MED13L: variants seen among roughly 807,000 people sequenced by gnomAD.
MED13L encodes the protein mediator complex subunit 13L.
MED13L carries 7 observed loss-of-function variants against 220.9 expected under a neutral mutation model. The ratio of observed to expected loss-of-function variants is 0.03; its 90% CI spans 0.02 to 0.06. The LOEUF is 0.06. Ranked by LOEUF, MED13L falls within the 10% of genes least tolerant of loss-of-function variation. MED13L has a pLI of 1.00. For missense variants in MED13L, 1,965 were observed against 2,760.5 expected (o/e 0.71, Z 6.46); for synonymous variants, 1,011 against 1,015.2 (o/e 1.00, Z 0.08).
At chr12:116,087,191 A>G (rs1379082019) in intron 4 of MED13L, among the ~76,000 whole-genome samples, 1 of 152,216 alleles carries the variant, frequency 6.6e-6, no homozygotes, top group East Asian at 1.9e-4. Flanking sequence ...CTACCATTAC[A>G]CAATAACCAG....
intron 1 of MED13L, among the ~76,000 whole-genome samples, chr12:116,272,359 C>T (rs1360972817): frequency 4.6e-5 from 7 of 151,900 alleles, no homozygotes; most frequent in African/African-American, 1.7e-4. Flanking sequence ...TCAGGAGTTC[C>T]AGAGCAGCCT....
intron 3 of MED13L, among the ~76,000 whole-genome samples, chr12:116,104,504 T>C (rs1434315359): frequency 1.3e-5 from 2 of 152,206 alleles, no homozygotes; most frequent in Non-Finnish European, 2.9e-5. Context: ...ACAGAGCAGC[T>C]CTGGGCCAAA....
intron 2 of MED13L, among the ~76,000 whole-genome samples, chr12:116,115,643 T>C (rs1183352402): frequency 2.0e-5 from 3 of 152,126 alleles, no homozygotes; most frequent in Non-Finnish European, 4.4e-5. Flanking sequence ...GTTACTTTTT[T>C]TTTTAATCTC....
intron 4 of MED13L, among the ~76,000 whole-genome samples, chr12:116,080,875 ATACT>A (rs1871194357): frequency 6.6e-6 from 1 of 152,186 alleles, no homozygotes; most frequent in African/African-American, 2.4e-5. Context: ...CAGTACATAA[ATACT>A]TATTATTTGT....
At chr12:116,030,677 G>C (rs1185840879) in intron 4 of MED13L, among the ~76,000 whole-genome samples, 1 of 152,116 alleles carries the variant, frequency 6.6e-6, no homozygotes, top group Non-Finnish European at 1.5e-5. Context: ...GTATGTGCAG[G>C]AAGGTAAGTG....
At chr12:116,019,489 T>A in intron 6 of MED13L, 77 bp from the exon 7 acceptor site, 1 of 1,515,338 alleles carries the variant, frequency 6.6e-7, no homozygotes, top group East Asian at 2.3e-5. Flanking sequence ...ATGATTCCAA[T>A]GGTGAAAATG....
At chr12:115,969,623 G>T (rs192518359) in intron 27 of MED13L, among the ~76,000 whole-genome samples, 1 of 151,304 alleles carries the variant, frequency 6.6e-6, no homozygotes, top group East Asian at 1.9e-4. Flanking sequence ...TGCCCAGGCT[G>T]GAGTGCAGTG....
chr12:115,996,119 C>G (rs1878386109), intron 16 of MED13L, among the ~76,000 whole-genome samples: 1 of 151,922 alleles, frequency 6.6e-6, no homozygotes, highest in Non-Finnish European at 1.5e-5. Flanking sequence ...GAGACAGAGT[C>G]TCACTCTGTC....
chr12:116,277,236 G>GGGC lies in MED13L; in HGVS notation c.-108_-106dup. On this transcript the variant is annotated 5_prime_UTR_variant, in exon 1 of 31. Transcript: ENST00000281928. The stretch of plus-strand genomic sequence containing the variant: ...CCTCGCCGGGGAGCGCGGGGCGGCC[G>GGGC]GGCCGCCGCCGCCGCCGGGGGAGGG... 4 of 448,228 alleles carry GGGC rather than the reference G, an allele frequency of 8.9e-6. No individual in the cohort carries two copies. The highest frequency in any genetic ancestry group is 1.0e-5 in the Non-Finnish European group (4 of 381,090). The allele number at this position is 448,228 out of a possible 1,614,324, so 27.8% of individuals were successfully genotyped here.
chr12:116,222,541 T>TG (rs1383444613), intron 2 of MED13L, among the ~76,000 whole-genome samples: 1 of 152,226 alleles, frequency 6.6e-6, no homozygotes, highest in Non-Finnish European at 1.5e-5. Context: ...AGATGGCTCC[T>TG]GGCCAGGAAA....
At chr12:116,159,558 T>C (rs1878703686) in intron 2 of MED13L, among the ~76,000 whole-genome samples, 1 of 152,232 alleles carries the variant, frequency 6.6e-6, no homozygotes, top group African/African-American at 2.4e-5. Flanking sequence ...ACAGTTCACA[T>C]TCCTATATAC....
chr12:116,233,595 T>C (rs561496054), intron 2 of MED13L, among the ~76,000 whole-genome samples: 2 of 152,234 alleles, frequency 1.3e-5, no homozygotes, highest in Admixed American at 6.5e-5. Context: ...TCGCAGCCTG[T>C]AGGTCTTTGC....
At chr12:115,985,984 C>A (rs1483397645) in intron 19 of MED13L, among the ~76,000 whole-genome samples, 1 of 152,158 alleles carries the variant, frequency 6.6e-6, no homozygotes, top group Admixed American at 6.5e-5. Context: ...CAATATTCTT[C>A]AACTTTTAGC....
chr12:116,163,352 T>C (rs535095333), intron 2 of MED13L, among the ~76,000 whole-genome samples: 22 of 140,340 alleles, frequency 1.6e-4, no homozygotes, highest in African/African-American at 5.5e-4. Flanking sequence ...GCACTGTTTA[T>C]AGGTGAAGAA....
chr12:116,018,852 G>A lies in MED13L; in HGVS notation c.1009+372C>T, dbSNP rs551189897. ...GGCTGACAATGGTCACCGGGGCAGA[G>A]GCTTCAGCTACTCTCTGATTTAGTA... On this transcript the variant is annotated intron_variant, in intron 7 of 30. Coordinates refer to ENST00000281928, the MANE Select transcript of MED13L (RefSeq NM_015335.5). Among the ~76,000 whole-genome samples, 58 of 151,442 alleles carry A rather than the reference G, an allele frequency of 3.8e-4. No individual in the cohort carries two copies. The South Asian group carries it at 0.01, about 27-fold the overall frequency.
intron 1 of MED13L, among the ~76,000 whole-genome samples, chr12:116,246,123 T>C (rs996591634): frequency 6.6e-6 from 1 of 152,040 alleles, no homozygotes; most frequent in African/African-American, 2.4e-5. Flanking sequence ...TGCTAAAGAA[T>C]TATTTCCAAA....
chr12:116,163,244 A>G (rs968119782), intron 2 of MED13L, among the ~76,000 whole-genome samples: 5 of 152,204 alleles, frequency 3.3e-5, no homozygotes, highest in African/African-American at 1.2e-4. Flanking sequence ...TTACAAATCA[A>G]TAAGCTAATT....
Position 116,212,323 on chromosome 12 carries a change from ATAAT to A in MED13L, c.310+25141_310+25144del, listed in dbSNP as rs1209908249. ...ATTAAGTTGTTAACTATTAAAAATGATAATTAAGTTAATTTTCATAAATGGTAAG... is the reference window on the plus strand; with the variant it reads ...ATTAAGTTGTTAACTATTAAAAATGATAAGTTAATTTTCATAAATGGTAAG... On this transcript the variant is annotated intron_variant, in intron 2 of 30. Coordinates refer to ENST00000281928, the MANE Select transcript of MED13L (RefSeq NM_015335.5). Among the ~76,000 whole-genome samples the A allele has an allele frequency of 5.5e-4, 84 of 152,344 alleles. 1 individual carries two copies. The highest frequency in any genetic ancestry group is 1.0e-4 in the Non-Finnish European group (7 of 68,018).
chr12:116,015,026 G>T, intron 8 of MED13L, 83 bp downstream of exon 8: 1 of 1,369,704 alleles, frequency 7.3e-7, no homozygotes, highest in Non-Finnish European at 1.0e-6. Context: ...TCACACAATA[G>T]TGCAATGTGA....
Sources: allele counts gnomAD v4.1 joint callset (sites outside exome capture counted in the v4.1 genomes callset), GRCh38; gene constraint gnomAD v4.1.1; transcripts MANE v1.5; gene names NCBI Gene and HGNC (gene_info 2026-07-23, HGNC 2026-07-21).